Variants in PRKCZ observed in about 807,000 individuals in gnomAD.
PRKCZ encodes the protein protein kinase C zeta type.
In PRKCZ, 33 loss-of-function variants were observed where a neutral mutation model predicts 79.5. The observed-to-expected ratio is 0.41, with a 90% CI of 0.31 to 0.55. The LOEUF (loss-of-function observed/expected upper bound fraction) is 0.55, where lower values mean the gene tolerates loss of function less well. Among genes scored for constraint, PRKCZ ranks in the 20% least tolerant of loss-of-function variants. PRKCZ has a pLI of 0.19. For synonymous variants in PRKCZ, 342 were observed against 320.9 expected (o/e 1.07, Z -0.70); for missense variants, 578 against 813.5 (o/e 0.71, Z 3.52).
At chr1:2,153,080 C>T (rs1487606654) in intron 9 of PRKCZ, among the ~76,000 whole-genome samples, 4 of 152,212 alleles carry the variant, frequency 2.6e-5, no homozygotes, top group Admixed American at 6.5e-5. Flanking sequence ...CACGCAGCCG[C>T]GCCGTTTCAC....
chr1:2,050,783 G>A lies in PRKCZ; in HGVS notation c.71+82G>A, dbSNP rs574246468. 6 of 919,388 alleles carry A rather than the reference G, an allele frequency of 6.5e-6. No individual in the cohort carries two copies. The East Asian group carries it at 2.0e-4, about 31-fold the overall frequency. The allele number at this position is 919,388 out of a possible 1,614,324, so 57.0% of individuals were successfully genotyped here. On this transcript the variant is annotated intron_variant, in intron 1 of 17. Transcript: ENST00000378567. ...CTCAGCCGTCGGGGCTCCTGCGCGA[G>A]AGGGAGAGAGGGAAGGGGCGGCGAG...
chr1:2,057,906 C>T (rs1406314230), intron 3 of PRKCZ, among the ~76,000 whole-genome samples: 3 of 149,852 alleles, frequency 2.0e-5, no homozygotes, highest in African/African-American at 2.5e-5. Context: ...CTCGCTCTGT[C>T]GCCCAGGCTG....
At chr1:2,109,521 C>T (rs1418557018) in intron 4 of PRKCZ, among the ~76,000 whole-genome samples, 1 of 152,190 alleles carries the variant, frequency 6.6e-6, no homozygotes, top group East Asian at 1.9e-4. Flanking sequence ...AGACAGAGCT[C>T]CCTTGGACGG....
intron 5 of PRKCZ, among the ~76,000 whole-genome samples, chr1:2,138,668 G>A (rs886079970): frequency 9.2e-5 from 14 of 152,212 alleles, no homozygotes; most frequent in African/African-American, 3.1e-4. Context: ...CGGCGCAGTG[G>A]CTCACGCCTG....
chr1:2,140,394 T>G (rs1023315998), intron 5 of PRKCZ, among the ~76,000 whole-genome samples: 1 of 152,176 alleles, frequency 6.6e-6, no homozygotes, highest in Non-Finnish European at 1.5e-5. Flanking sequence ...GGCTCACGCA[T>G]GTAATCCCAG....
intron 4 of PRKCZ, chr1:2,074,040 T>C: frequency 6.9e-7 from 1 of 1,439,788 alleles, no homozygotes; most frequent in East Asian, 2.5e-5. Flanking sequence ...ATTTTGGGTC[T>C]GAGTCCCGGC....
chr1:2,095,975 A>C (rs1265700290), intron 4 of PRKCZ, among the ~76,000 whole-genome samples: 2 of 135,580 alleles, frequency 1.5e-5, no homozygotes, highest in East Asian at 2.3e-4. Flanking sequence ...CTGCTGTGCC[A>C]GGGGCCAGGG....
chr1:2,155,133 CGATGATGGTGAT>C (rs1375630346), intron 9 of PRKCZ, among the ~76,000 whole-genome samples: 1 of 151,520 alleles, frequency 6.6e-6, no homozygotes. Context: ...ATGATGGTGA[CGATGATGGTGAT>C]GATGGTGATG....
At chr1:2,107,929 CGGCAGTGTCAAGGGAGCCCCT>C (rs766201437) in intron 4 of PRKCZ, among the ~76,000 whole-genome samples, 115 of 151,566 alleles carry the variant, frequency 7.6e-4, no homozygotes, top group African/African-American at 9.2e-4. Context: ...CCCCCAACCC[CGGCAGTGTCAAGGGAGCCCCT>C]GGCAGTGTCA....
intron 5 of PRKCZ, among the ~76,000 whole-genome samples, chr1:2,136,658 G>A (rs1038149288): frequency 4.6e-5 from 7 of 152,146 alleles, no homozygotes; most frequent in African/African-American, 9.7e-5. Context: ...GGCTCAGGCT[G>A]GGACTCAGGA....
chr1:2,052,516 C>T (rs760318007), intron 1 of PRKCZ, among the ~76,000 whole-genome samples: 1 of 151,804 alleles, frequency 6.6e-6, no homozygotes, highest in Non-Finnish European at 1.5e-5. Flanking sequence ...CCTTCACCTT[C>T]CTCCCCCTTC....
rs1034010914 is a variant in PRKCZ, at chr1:2,174,232, C to T, written c.1405+216C>T. On this transcript the variant is annotated intron_variant, in intron 14 of 17. Coordinates refer to ENST00000378567, the MANE Select transcript of PRKCZ (RefSeq NM_002744.6). The surrounding 1 kb of genome is among the most constrained non-coding windows in gnomAD (Gnocchi z 6.2). ...CCTGTGGGTCAGCAGGAAAGAGAAC[C>T]TGTCCCCATTCAGCTCCAACTCCCT... Among the ~76,000 whole-genome samples, 20 of 152,326 alleles carry T rather than the reference C, an allele frequency of 1.3e-4. 1 individual carries two copies. The highest frequency in any genetic ancestry group is 4.1e-4 in the African/African-American group (17 of 41,586).
chr1:2,072,427 C>T (rs559430674), intron 4 of PRKCZ, among the ~76,000 whole-genome samples: 3 of 152,286 alleles, frequency 2.0e-5, no homozygotes, highest in Middle Eastern at 3.4e-3. Flanking sequence ...TCTTGCCTCG[C>T]GGGGCCATGC....
At chr1:2,167,168 C>T (rs1324707447) in intron 10 of PRKCZ, among the ~76,000 whole-genome samples, 1 of 152,252 alleles carries the variant, frequency 6.6e-6, no homozygotes, top group East Asian at 1.9e-4. Context: ...ATTCCTTCCT[C>T]AGCAAGCTGC....
chr1:2,150,608 A>G (rs1256622382), intron 8 of PRKCZ, among the ~76,000 whole-genome samples, 182 bp from the exon 9 acceptor site: 1 of 152,158 alleles, frequency 6.6e-6, no homozygotes, highest in African/African-American at 2.4e-5. Context: ...CTTACCTTTC[A>G]TGCCCCAGTT....
rs1662176619 is a variant in PRKCZ, at chr1:2,075,220, T to C, written c.334+15629T>C. Reference sequence around the variant, plus strand: ...ACGTGCTGTGTCATAGTTTCCTCGGTGCCTGGGACGGCTTGGCCTCTGCTT... The same window carrying C: ...ACGTGCTGTGTCATAGTTTCCTCGGCGCCTGGGACGGCTTGGCCTCTGCTT... On this transcript the variant is annotated intron_variant, in intron 4 of 17. Transcript: ENST00000378567. The surrounding 1 kb of genome is among the most constrained non-coding windows in gnomAD (Gnocchi z 4.8). The C allele has an allele frequency of 6.6e-6, 1 of 152,264 alleles. No homozygotes were observed. Among genetic ancestry groups the C allele is most frequent in the South Asian group, 2.1e-4 (1 of 4,838 alleles). 9.4% of individuals were successfully genotyped at this position (152,264 alleles called of 1,614,324 possible).
At chr1:2,122,919 G>A (rs796399024) in intron 4 of PRKCZ, among the ~76,000 whole-genome samples, 2 of 2,322 alleles carry the variant, frequency 8.6e-4, no homozygotes, top group East Asian at 0.028. Context: ...TCACGGTGGT[G>A]GTTAGGGTCA....
chr1:2,058,600 TAAAAG>T (rs890927481), intron 3 of PRKCZ, among the ~76,000 whole-genome samples: 2 of 152,158 alleles, frequency 1.3e-5, no homozygotes, highest in African/African-American at 4.8e-5. Flanking sequence ...GTTTTCTAGA[TAAAAG>T]AAAAATAGGG....
At chr1:2,107,064 G>T (rs905604354) in intron 4 of PRKCZ, among the ~76,000 whole-genome samples, 1 of 152,266 alleles carries the variant, frequency 6.6e-6, no homozygotes, top group Admixed American at 6.5e-5. Context: ...TCATGCTTTT[G>T]AGATCAAAGT....
Sources: gnomAD v4.1 joint callset for allele counts (sites outside exome capture counted in the v4.1 genomes callset) on GRCh38, gnomAD v4.1.1 for gene constraint, Gnocchi (gnomAD v3.1) non-coding constraint, MANE v1.5 for transcripts, NCBI Gene and HGNC (gene_info 2026-07-23, HGNC 2026-07-21) for gene names.